The following UBE2O variants were observed in gnomAD, a reference collection of about 807,000 sequenced individuals.
UBE2O encodes the protein (E3-independent) E2 ubiquitin-conjugating enzyme.
Under a neutral mutation model 125.8 loss-of-function variants are expected in UBE2O, and 15 were observed. The ratio of observed to expected loss-of-function variants is 0.12; its 90% confidence interval spans 0.08 to 0.18. The LOEUF is 0.18. Among genes scored for constraint, UBE2O ranks in the 10% least tolerant of loss-of-function variants. The pLI is 1.00. For missense variants in UBE2O, 1,280 were observed against 1,723.6 expected (o/e 0.74, Z 4.56); for synonymous variants, 708 against 703.2 (o/e 1.01, Z -0.11).
At chr17:76,448,123 T>C (rs915711300) in intron 1 of UBE2O, among the ~76,000 whole-genome samples, 4 of 152,178 alleles carry the variant, frequency 2.6e-5, no homozygotes, top group African/African-American at 9.7e-5. Flanking sequence ...ACCCTTCATC[T>C]GGGGAAAGTA....
At chr17:76,427,163 T>C (rs532159708) in intron 1 of UBE2O, among the ~76,000 whole-genome samples, 59 of 152,296 alleles carry the variant, frequency 3.9e-4, no homozygotes, top group South Asian at 2.1e-4. Flanking sequence ...CCACCATCCA[T>C]GTTTGTAATG....
At chr17:76,433,328 A>G (rs2072932657) in intron 1 of UBE2O, among the ~76,000 whole-genome samples, 1 of 149,008 alleles carries the variant, frequency 6.7e-6, no homozygotes, top group Non-Finnish European at 1.5e-5. Flanking sequence ...ACGTTAAATA[A>G]ATCAGTCACG....
chr17:76,429,485 T>C lies in UBE2O; in HGVS notation c.417+23240A>G, dbSNP rs529477484. Among the ~76,000 whole-genome samples, 76 of 134,404 alleles carry C rather than the reference T, an allele frequency of 5.7e-4. No homozygotes were observed. The Middle Eastern group carries it at 0.013, about 22-fold the overall frequency. 88.2% of individuals were successfully genotyped at this position (134,404 alleles called of 152,430 possible). ...TCAGCCTGGGAGGCAGAGGTTGCAG[T>C]GAGCCAAGATTACACCACTGTACTC... On this transcript the variant is annotated intron_variant, in intron 1 of 17. Transcript: ENST00000319380.
At chr17:76,423,309 T>G (rs902742683) in intron 1 of UBE2O, among the ~76,000 whole-genome samples, 4 of 151,964 alleles carry the variant, frequency 2.6e-5, no homozygotes, top group African/African-American at 9.7e-5. Flanking sequence ...AGCCCAGGAA[T>G]TCGACGCTGC....
Position 76,392,095 on chromosome 17 carries a change from T to C in UBE2O, c.2965A>G (p.Ile989Val). 4 of 1,477,162 alleles carry C rather than the reference T, an allele frequency of 2.7e-6. No homozygotes were observed. In the South Asian group the frequency reaches 4.0e-5, roughly 15 times the overall value. The allele number at this position is 1,477,162 out of a possible 1,614,324, so 91.5% of individuals were successfully genotyped here. The change falls in exon 16 of 18, where the codon ATC (isoleucine) becomes GTC (valine). Residue 989 changes from isoleucine (I) to valine (V), a missense_variant. Ile to Val is a conservative substitution (Grantham distance 29). Around this residue, in one of 10 missense-constraint regions of UBE2O, gnomAD observed 116 missense variants for 154.8 expected, o/e 0.75. Transcript: ENST00000319380. ...EDRMDLFSAL[I>V]KGPTRTPYED... Reference sequence around the variant, plus strand: ...TAGGGGGTTCGAGTGGGGCCCTTGATGAGAGCTGAGAAGAGGTCCTAGGTA... The same window carrying C: ...TAGGGGGTTCGAGTGGGGCCCTTGACGAGAGCTGAGAAGAGGTCCTAGGTA...
At chr17:76,397,735 T>C in intron 13 of UBE2O, 64 bp downstream of exon 13, 2 of 1,521,526 alleles carry the variant, frequency 1.3e-6, no homozygotes, top group Middle Eastern at 1.7e-4. Flanking sequence ...GCTACACGCC[T>C]GTGGCCCCCG....
In UBE2O at chr17:76,439,017, G is replaced by A. The variant is rs536545520; in HGVS notation, c.417+13708C>T. Among the ~76,000 whole-genome samples, 6 of 152,276 alleles carry A rather than the reference G, an allele frequency of 3.9e-5. No homozygotes were observed. The South Asian group carries it at 1.2e-3, about 32-fold the overall frequency. ...TCACCCATTGTAAACTCTGATGTAA[G>A]TCCTCTTTATGTAAAAAACAAATCC... is the stretch of plus-strand genomic sequence containing the variant. On this transcript the variant is annotated intron_variant, in intron 1 of 17. Transcript: ENST00000319380.
At position 76,398,036 on chromosome 17, in the gene UBE2O, A is replaced by T. The variant is rs1171104869; in HGVS notation, c.2026-148T>A. 4.8e-6 allele frequency: 5 copies of T among 1,035,468 alleles called. No homozygotes were observed. Among genetic ancestry groups the T allele is most frequent in the Non-Finnish European group, 7.1e-6 (5 of 706,456 alleles). The allele number at this position is 1,035,468 out of a possible 1,614,324, so 64.1% of individuals were successfully genotyped here. ...TGGTAAATGTAACCAGCGGCAGCTC[A>T]AGAAGCCTGACCCCAGAAGGGAGGC... On this transcript the variant is annotated intron_variant, in intron 12 of 17. Transcript: ENST00000319380. The surrounding 1 kb of genome is among the most constrained non-coding windows in gnomAD (Gnocchi z 5.4).
chr17:76,406,607 CAA>C (rs35739452), intron 1 of UBE2O, among the ~76,000 whole-genome samples: 2 of 112,114 alleles, frequency 1.8e-5, no homozygotes. Flanking sequence ...ACGTGACTCA[CAA>C]AAAAAAAAAG....
At chr17:76,392,235 C>T (rs1050795997) in intron 15 of UBE2O, 122 bp from the exon 16 acceptor site, 2 of 594,790 alleles carry the variant, frequency 3.4e-6, no homozygotes, top group African/African-American at 3.8e-5. Context: ...GCAGGAAGAG[C>T]AGCACCTGGG....
At position 76,400,366 on chromosome 17, in the gene UBE2O, CCCAGGCATGTGA is replaced by C; in HGVS notation, c.1004+63_1005-70del. The C allele has an allele frequency of 6.3e-7, 1 of 1,595,566 alleles. No individual in the cohort carries two copies. The highest frequency in any genetic ancestry group is 8.6e-7 in the Non-Finnish European group (1 of 1,168,430). On this transcript the variant is annotated intron_variant, in intron 7 of 17. Coordinates refer to ENST00000319380, the MANE Select transcript of UBE2O (RefSeq NM_022066.4). This position sits in a 1 kb window ranked among gnomAD's most constrained non-coding sequence, Gnocchi z 4.3. ...GAGGCCAGCAGTGTTCTTAAGCCTCCCCAGGCATGTGACCAGGGCCCAGAGCCCTGTCCCACG... is the reference window on the plus strand; with the variant it reads ...GAGGCCAGCAGTGTTCTTAAGCCTCCCCAGGGCCCAGAGCCCTGTCCCACG...
chr17:76,420,608 A>G lies in UBE2O; in HGVS notation c.418-15036T>C, dbSNP rs1010407696. Among the ~76,000 whole-genome samples, 4 of 151,966 alleles carry G rather than the reference A, an allele frequency of 2.6e-5. No individual in the cohort carries two copies. The South Asian group carries it at 8.3e-4, about 32-fold the overall frequency. On this transcript the variant is annotated intron_variant, in intron 1 of 17. Transcript: ENST00000319380. ...CAATGATGATTCTCCACTCCTTACA[A>G]CTCTGTAACTACATCTTTGCGAGAC...
chr17:76,399,343 G>C lies in UBE2O; in HGVS notation c.1628+106C>G. The C allele has an allele frequency of 8.6e-7, 1 of 1,164,958 alleles. No individual in the cohort carries two copies. The highest frequency in any genetic ancestry group is 2.1e-5 in the Admixed American group (1 of 47,968). 72.2% of individuals were successfully genotyped at this position (1,164,958 alleles called of 1,614,324 possible). A position where few individuals can be genotyped will look rare whatever the true frequency, so the allele number is the denominator to read the frequency against. ...GTGGGAGCCCCGGAGCCACTACAAG[G>C]CATGCAGAGGTGTGTGTGCGAGCGC... On this transcript the variant is annotated intron_variant, in intron 9 of 17. Coordinates refer to ENST00000319380, the MANE Select transcript of UBE2O (RefSeq NM_022066.4). The surrounding 1 kb of genome is among the most constrained non-coding windows in gnomAD (Gnocchi z 6.9).
At chr17:76,449,749 T>C (rs1295311327) in intron 1 of UBE2O, among the ~76,000 whole-genome samples, 1 of 150,426 alleles carries the variant, frequency 6.6e-6, no homozygotes, top group African/African-American at 2.5e-5. Flanking sequence ...AGAAACCCCG[T>C]CTCCACTAAA....
intron 1 of UBE2O, among the ~76,000 whole-genome samples, chr17:76,442,095 CA>C (rs11361245): frequency 0.47 from 71,855 of 152,112 alleles, 19,235 homozygotes; most frequent in Non-Finnish European, 0.6. Flanking sequence ...GGGGTTCTTA[CA>C]GGGGAAATGC....
Position 76,391,182 on chromosome 17 carries a change from C to G in UBE2O, c.3640G>C (p.Asp1214His). ...GTCTCCGAAGTCTGGTCTGTGTGGT[C>G]CCTGCTAGCTGAGGCCAGGCCCTGG... is the stretch of plus-strand genomic sequence containing the variant. ...GAQGLASASRDHTDQTSETAP... is the reference protein window; with the variant it reads ...GAQGLASASRHHTDQTSETAP... Residue 1214 changes from aspartate (D) to histidine (H), a missense_variant, in exon 18 of 18, where the codon GAC (aspartate) becomes CAC (histidine). Transcript: ENST00000319380. The surrounding 1 kb of genome is among the most constrained non-coding windows in gnomAD (Gnocchi z 8.4). 6.2e-7 allele frequency: 1 copy of G among 1,613,230 alleles called. No homozygotes were observed. The highest frequency in any genetic ancestry group is 2.2e-5 in the East Asian group (1 of 44,866).
Position 76,400,472 on chromosome 17 carries a change from G to A in UBE2O, c.973C>T (p.Pro325Ser), listed in dbSNP as rs201652216. Residue 325 changes from proline (P) to serine (S), a missense_variant, in exon 7 of 18, where the codon CCC becomes TCC. Transcript: ENST00000319380. The surrounding 1 kb of genome is among the most constrained non-coding windows in gnomAD (Gnocchi z 4.3). ...AGGTTTTCCTGGGTGATGACAGAGG[G>A]TGGGGGGCTGACGCTGTCCGTGCCC... ...PGGTDSVSPP[P>S]SVITQENLGR... 2.1e-5 allele frequency: 34 copies of A among 1,613,064 alleles called. No individual in the cohort carries two copies. In the East Asian group the frequency reaches 6.2e-4, roughly 30 times the overall value.
Position 76,399,122 on chromosome 17 carries a change from T to G in UBE2O, c.1629-131A>C. The G allele has an allele frequency of 8.0e-7, 1 of 1,251,764 alleles. No individual in the cohort carries two copies. Among genetic ancestry groups the G allele is most frequent in the Non-Finnish European group, 1.1e-6 (1 of 918,090 alleles). 77.5% of individuals were successfully genotyped at this position (1,251,764 alleles called of 1,614,324 possible). A position where few individuals can be genotyped will look rare whatever the true frequency, so the allele number is the denominator to read the frequency against. On this transcript the variant is annotated intron_variant, in intron 9 of 17. Coordinates refer to ENST00000319380, the MANE Select transcript of UBE2O (RefSeq NM_022066.4). The surrounding 1 kb of genome is among the most constrained non-coding windows in gnomAD (Gnocchi z 6.9). ...AACTCTGAATCCCAGGTTGGCAGGATGAGTCTCTGGTGCACAGGAAGCTCA... is the reference window on the plus strand; with the variant it reads ...AACTCTGAATCCCAGGTTGGCAGGAGGAGTCTCTGGTGCACAGGAAGCTCA...
At position 76,400,240 on chromosome 17, in the gene UBE2O, C is replaced by A; in HGVS notation, c.1062G>T (p.Leu354=). ...GCTCTACCTTGGCTGGGAAGACATACAGACAGCGCTCCCCAAGCTGCCGCT... is the reference window on the plus strand; with the variant it reads ...GCTCTACCTTGGCTGGGAAGACATAAAGACAGCGCTCCCCAAGCTGCCGCT... ...HAQRQLGERC[L]YVFPAKVEPA... The change falls in exon 8 of 18, where the codon CTG becomes CTT. Residue 354 remains leucine (L), a synonymous_variant. Transcript: ENST00000319380. This position sits in a 1 kb window ranked among gnomAD's most constrained non-coding sequence, Gnocchi z 4.3. The A allele has an allele frequency of 6.2e-7, 1 of 1,614,042 alleles. No individual in the cohort carries two copies. Among genetic ancestry groups the A allele is most frequent in the Non-Finnish European group, 8.5e-7 (1 of 1,180,010 alleles).
Sources: gnomAD v4.1 joint callset for allele counts (sites outside exome capture counted in the v4.1 genomes callset) on GRCh38, gnomAD v4.1.1 for gene constraint, gnomAD v4.1.1 regional missense constraint, Gnocchi (gnomAD v3.1) non-coding constraint, MANE v1.5 for transcripts, NCBI Gene and HGNC (gene_info 2026-07-23, HGNC 2026-07-21) for gene names.